KCNIP4: variants seen among roughly 807,000 people sequenced by gnomAD.
KCNIP4 encodes Kv channel-interacting protein 4.
A neutral mutation model predicts 34.0 loss-of-function variants in KCNIP4; 12 were observed. The ratio of observed to expected loss-of-function variants is 0.35; its 90% confidence interval spans 0.23 to 0.57. The LOEUF is 0.57. Ranked by LOEUF, KCNIP4 falls within the 20% of genes least tolerant of loss-of-function variation. KCNIP4 has a pLI of 0.83. For missense variants in KCNIP4, 238 were observed against 311.7 expected (o/e 0.76, Z 1.78); for synonymous variants, 124 against 102.2 (o/e 1.21, Z -1.29).
intron 1 of KCNIP4, among the ~76,000 whole-genome samples, chr4:20,999,426 TG>T (rs373678091): frequency 0.027 from 1,329 of 48,700 alleles, 72 homozygotes; most frequent in African/African-American, 0.095. Context: ...TTTTTTTTTT[TG>T]TTTGTTTTTT....
At chr4:20,730,945 C>CAAAG (rs1158113651) in intron 8 of KCNIP4, among the ~76,000 whole-genome samples, 2 of 152,250 alleles carry the variant, frequency 1.3e-5, no homozygotes, top group Admixed American at 1.3e-4. Flanking sequence ...TTAATTCTCT[C>CAAAG]AAAGACCACT....
At chr4:21,364,978 T>A (rs1298352409) in intron 1 of KCNIP4, among the ~76,000 whole-genome samples, 2 of 152,144 alleles carry the variant, frequency 1.3e-5, no homozygotes, top group African/African-American at 4.8e-5. Context: ...ATTATGGTAT[T>A]CGTTCAATCT....
intron 1 of KCNIP4, among the ~76,000 whole-genome samples, chr4:21,593,394 C>T (rs1038082069): frequency 4.6e-5 from 7 of 152,144 alleles, no homozygotes; most frequent in East Asian, 1.9e-4. Context: ...GTTTTGTGGT[C>T]GGAGTGCTCT....
At chr4:21,816,532 G>A (rs1721999405) in intron 1 of KCNIP4, among the ~76,000 whole-genome samples, 1 of 152,040 alleles carries the variant, frequency 6.6e-6, no homozygotes, top group Non-Finnish European at 1.5e-5. Flanking sequence ...CATCCTTACA[G>A]TCAGTTGTTC....
intron 3 of KCNIP4, among the ~76,000 whole-genome samples, chr4:20,784,726 G>C (rs770861353): frequency 6.6e-6 from 1 of 152,004 alleles, no homozygotes; most frequent in South Asian, 2.1e-4. Context: ...TATAAAATTG[G>C]CACAGCATCT....
chr4:21,378,707 T>A (rs1721196534), intron 1 of KCNIP4, among the ~76,000 whole-genome samples: 1 of 152,198 alleles, frequency 6.6e-6, no homozygotes, highest in Non-Finnish European at 1.5e-5. Flanking sequence ...TTTCCAGCTA[T>A]CCCTTAACAC....
At chr4:21,702,553 A>G (rs1712940355) in intron 1 of KCNIP4, among the ~76,000 whole-genome samples, 1 of 152,184 alleles carries the variant, frequency 6.6e-6, no homozygotes, top group Admixed American at 6.5e-5. Context: ...CAAAGATTAA[A>G]TAGATAATTT....
At chr4:21,202,982 C>A (rs1000997371) in intron 1 of KCNIP4, among the ~76,000 whole-genome samples, 2 of 152,336 alleles carry the variant, frequency 1.3e-5, no homozygotes, top group African/African-American at 2.4e-5. Context: ...GCATACATAT[C>A]TATGCCCACC....
intron 1 of KCNIP4, among the ~76,000 whole-genome samples, chr4:21,371,365 T>C (rs1461974053): frequency 2.7e-5 from 4 of 146,344 alleles, no homozygotes; most frequent in Non-Finnish European, 5.9e-5. Context: ...TTTTGGCAGA[T>C]GGGGAACCAG....
At chr4:21,752,201 C>G (rs1395477581) in intron 1 of KCNIP4, among the ~76,000 whole-genome samples, 1 of 151,910 alleles carries the variant, frequency 6.6e-6, no homozygotes, top group Non-Finnish European at 1.5e-5. Context: ...TCTATTTGTC[C>G]ATTTTCACAC....
chr4:21,312,749 C>A (rs1713321064), intron 1 of KCNIP4, among the ~76,000 whole-genome samples: 1 of 152,142 alleles, frequency 6.6e-6, no homozygotes, highest in Admixed American at 6.5e-5. Flanking sequence ...CATCAATGAG[C>A]TTTAGATACC....
At chr4:21,614,508 T>C (rs902828088) in intron 1 of KCNIP4, among the ~76,000 whole-genome samples, 1 of 148,346 alleles carries the variant, frequency 6.7e-6, no homozygotes, top group African/African-American at 2.4e-5. Flanking sequence ...ATATAATATA[T>C]ATAGCTTAAA....
chr4:21,450,974 A>T (rs1008055390), intron 1 of KCNIP4, among the ~76,000 whole-genome samples: 5 of 152,180 alleles, frequency 3.3e-5, no homozygotes, highest in African/African-American at 9.7e-5. Flanking sequence ...TAAACTTTAG[A>T]TATTCTGCTT....
At chr4:20,953,136 G>A (rs1033513797) in intron 1 of KCNIP4, among the ~76,000 whole-genome samples, 3 of 152,202 alleles carry the variant, frequency 2.0e-5, no homozygotes, top group Admixed American at 6.5e-5. Context: ...GTTTCATAAT[G>A]AGTCTGCATT....
chr4:21,190,662 T>C (rs1272279713), intron 1 of KCNIP4, among the ~76,000 whole-genome samples: 2 of 152,152 alleles, frequency 1.3e-5, no homozygotes, highest in African/African-American at 4.8e-5. Context: ...TAAACCCCAA[T>C]GGCTTTAAAG....
chr4:20,946,838 G>C (rs1322089338), intron 1 of KCNIP4, among the ~76,000 whole-genome samples: 2 of 152,052 alleles, frequency 1.3e-5, no homozygotes, highest in African/African-American at 4.8e-5. Flanking sequence ...TAATCTGTGG[G>C]CCCCCATTGC....
intron 1 of KCNIP4, among the ~76,000 whole-genome samples, chr4:21,058,186 G>C (rs964598415): frequency 1.3e-5 from 2 of 152,072 alleles, no homozygotes; most frequent in African/African-American, 2.4e-5. Flanking sequence ...CAGAAATGAG[G>C]AAAGATGCAA....
intron 1 of KCNIP4, among the ~76,000 whole-genome samples, chr4:21,790,152 T>A (rs901540247): frequency 1.3e-5 from 2 of 151,878 alleles, no homozygotes; most frequent in Non-Finnish European, 2.9e-5. Context: ...GAGTATTAAG[T>A]TTAAGCCATG....
At chr4:21,844,963 A>AAAG (rs1052163203) in intron 1 of KCNIP4, 1 of 151,928 alleles carries the variant, frequency 6.6e-6, no homozygotes, top group Non-Finnish European at 1.5e-5. Context: ...AGATTCAAAA[A>AAAG]AAAAAAGAGG....
Sources: allele counts gnomAD v4.1 joint callset (sites outside exome capture counted in the v4.1 genomes callset), GRCh38; gene constraint gnomAD v4.1.1; transcripts MANE v1.5; gene names NCBI Gene and HGNC (gene_info 2026-07-23, HGNC 2026-07-21).